The following STXBP5L variants were observed in gnomAD, a reference collection of about 807,000 sequenced individuals.
STXBP5L encodes the protein syntaxin binding protein 5L, also known as syntaxin-binding protein 5-like.
Under a neutral mutation model 144.5 loss-of-function variants are expected in STXBP5L, and 65 were observed. That is an observed-to-expected ratio of 0.45 (90% CI 0.37 to 0.55). The LOEUF (loss-of-function observed/expected upper bound fraction) is 0.55. STXBP5L is among the 20% of genes least tolerant of loss of function. The probability of loss-of-function intolerance (pLI) is 0.00; values close to 1 mark genes in which losing one functional copy is unlikely to be tolerated. For missense variants in STXBP5L, 1,298 were observed against 1,405.5 expected, an observed-to-expected ratio of 0.92 and a Z score of 1.22; for synonymous variants, 505 against 469.6, an observed-to-expected ratio of 1.08 and a Z score of -0.97.
chr3:120,964,687 C>T (rs1250174881), intron 3 of STXBP5L, among the ~76,000 whole-genome samples: 3 of 152,066 alleles, frequency 2.0e-5, no homozygotes, highest in African/African-American at 4.8e-5. Context: ...TGCTTTAGTT[C>T]CAATTATGTG....
chr3:121,034,523 A>T (rs1483317878), intron 3 of STXBP5L, among the ~76,000 whole-genome samples: 1 of 149,180 alleles, frequency 6.7e-6, no homozygotes, highest in East Asian at 1.9e-4. Flanking sequence ...TACCTATATC[A>T]TCTATCTATC....
At chr3:121,251,833 AAACT>A (rs145895156) in intron 15 of STXBP5L, among the ~76,000 whole-genome samples, 222 of 152,264 alleles carry the variant, frequency 1.5e-3, no homozygotes, top group East Asian at 4.8e-3. Context: ...TTGAGCAAGC[AAACT>A]AACTATCAGC....
intron 3 of STXBP5L, among the ~76,000 whole-genome samples, chr3:120,995,495 T>C (rs1436703112): frequency 6.6e-6 from 1 of 152,152 alleles, no homozygotes; most frequent in East Asian, 1.9e-4. Context: ...TACCTTCTTG[T>C]GCATTAATTG....
intron 3 of STXBP5L, among the ~76,000 whole-genome samples, chr3:121,019,891 T>C (rs1945421685): frequency 6.6e-6 from 1 of 152,116 alleles, no homozygotes; most frequent in Non-Finnish European, 1.5e-5. Context: ...AAGATCACAC[T>C]AGCTCACCAG....
chr3:121,325,851 G>C (rs2044126522), intron 20 of STXBP5L, among the ~76,000 whole-genome samples: 1 of 151,646 alleles, frequency 6.6e-6, no homozygotes, highest in South Asian at 2.1e-4. Context: ...TGTATGAATG[G>C]AGAAATTATG....
chr3:121,035,220 C>T (rs1049660162), intron 3 of STXBP5L, among the ~76,000 whole-genome samples: 1 of 151,996 alleles, frequency 6.6e-6, no homozygotes, highest in Admixed American at 6.6e-5. Context: ...TTTAATTAAG[C>T]CCCACTTGCC....
At chr3:121,392,319 G>A (rs1267649661) in intron 22 of STXBP5L, among the ~76,000 whole-genome samples, 7 of 152,128 alleles carry the variant, frequency 4.6e-5, no homozygotes, top group African/African-American at 1.7e-4. Context: ...GCTTCCCTTG[G>A]CTAGGAAAGG....
chr3:121,196,605 T>A (rs2047929702), intron 9 of STXBP5L, among the ~76,000 whole-genome samples: 1 of 152,190 alleles, frequency 6.6e-6, no homozygotes, highest in African/African-American at 2.4e-5. Flanking sequence ...TTTAGTTTTT[T>A]TTATTTTTCT....
intron 18 of STXBP5L, among the ~76,000 whole-genome samples, chr3:121,274,322 T>G (rs961190581): frequency 6.6e-6 from 1 of 152,216 alleles, no homozygotes; most frequent in Admixed American, 6.5e-5. Flanking sequence ...CTCAATGCAG[T>G]TTAATCAGCC....
At position 121,418,641 on chromosome 3, in the gene STXBP5L, G is replaced by C. The variant is rs370601236; in HGVS notation, c.3447+84G>C. 4.5e-5 allele frequency: 57 copies of C among 1,275,176 alleles called. No homozygotes were observed. In the African/African-American group the frequency reaches 8.5e-4, roughly 19 times the overall value. The allele number at this position is 1,275,176 out of a possible 1,614,324, so 79.0% of individuals were successfully genotyped here. A position where few individuals can be genotyped will look rare whatever the true frequency, so the allele number is the denominator to read the frequency against. Reference sequence around the variant, plus strand: ...ATCTGCACAAGAAAGCTTAAACAGAGATCCACATAAGTAATCCTGTATGAG... The same window carrying C: ...ATCTGCACAAGAAAGCTTAAACAGACATCCACATAAGTAATCCTGTATGAG... On this transcript the variant is annotated intron_variant, in intron 26 of 26. Transcript: ENST00000471454.
At chr3:121,220,172 C>A (rs906759548) in intron 10 of STXBP5L, among the ~76,000 whole-genome samples, 4 of 152,066 alleles carry the variant, frequency 2.6e-5, no homozygotes, top group Non-Finnish European at 5.9e-5. Context: ...GATTTGTTCT[C>A]CATCACTATA....
At chr3:121,153,198 A>G (rs2045990203) in intron 8 of STXBP5L, among the ~76,000 whole-genome samples, 1 of 152,108 alleles carries the variant, frequency 6.6e-6, no homozygotes, top group Admixed American at 6.6e-5. Context: ...TCATCAAGGA[A>G]TAATCTCCCA....
chr3:120,934,096 T>TC (rs1211112638), intron 2 of STXBP5L, among the ~76,000 whole-genome samples: 11 of 151,576 alleles, frequency 7.3e-5, no homozygotes, highest in Non-Finnish European at 1.5e-4. Context: ...TTTTTCTTTT[T>TC]TTTTTTTTCA....
At chr3:121,338,147 C>T (rs945370508) in intron 20 of STXBP5L, among the ~76,000 whole-genome samples, 1 of 151,886 alleles carries the variant, frequency 6.6e-6, no homozygotes, top group African/African-American at 2.4e-5. Flanking sequence ...CTCAAGGAAC[C>T]AGAGAAGCAA....
intron 20 of STXBP5L, among the ~76,000 whole-genome samples, chr3:121,355,678 C>T (rs946679257): frequency 1.3e-5 from 2 of 152,146 alleles, no homozygotes; most frequent in East Asian, 1.9e-4. Flanking sequence ...CCTTCTGAAG[C>T]CTACTTCTGT....
intron 5 of STXBP5L, among the ~76,000 whole-genome samples, chr3:121,058,582 A>G (rs919449076): frequency 2.6e-5 from 4 of 152,040 alleles, no homozygotes; most frequent in Non-Finnish European, 5.9e-5. Context: ...ACTAATTTAC[A>G]CTCCCACCAA....
At chr3:121,174,458 T>A (rs2046853167) in intron 9 of STXBP5L, among the ~76,000 whole-genome samples, 1 of 152,132 alleles carries the variant, frequency 6.6e-6, no homozygotes, top group African/African-American at 2.4e-5. Context: ...GAAAAAAGTT[T>A]GTGCATAAGT....
At chr3:120,956,646 AT>A (rs1223954332) in intron 3 of STXBP5L, among the ~76,000 whole-genome samples, 1 of 151,948 alleles carries the variant, frequency 6.6e-6, no homozygotes, top group Non-Finnish European at 1.5e-5. Flanking sequence ...GGGTGTACAA[AT>A]ATCTCTTTGA....
chr3:121,041,064 T>A (rs1031522883), intron 3 of STXBP5L, among the ~76,000 whole-genome samples: 3 of 152,004 alleles, frequency 2.0e-5, no homozygotes, highest in African/African-American at 7.2e-5. Context: ...CTCATTCTTT[T>A]TTTTTTACCT....
Sources: allele counts gnomAD v4.1 joint callset (sites outside exome capture counted in the v4.1 genomes callset), GRCh38; gene constraint gnomAD v4.1.1; transcripts MANE v1.5; gene names NCBI Gene and HGNC (gene_info 2026-07-23, HGNC 2026-07-21).